The following EIF2S3 variants were observed in gnomAD, a reference collection of about 807,000 sequenced individuals.
EIF2S3 encodes the protein eukaryotic translation initiation factor 2 subunit 3.
In EIF2S3, 2 loss-of-function variants were observed where a neutral mutation model predicts 31.7. The observed-to-expected ratio is 0.06, with a 90% CI of 0.03 to 0.20. The LOEUF is 0.20. Among genes scored for constraint, EIF2S3 ranks in the 10% least tolerant of loss-of-function variants. The pLI, the probability that EIF2S3 is intolerant of heterozygous loss-of-function variation, is 1.00. For synonymous variants in EIF2S3, 120 were observed against 126.7 expected (o/e 0.95, Z 0.36); for missense variants, 96 against 359.3 (o/e 0.27, Z 5.92).
chrX:24,055,174 C>T lies in EIF2S3; in HGVS notation c.69+137C>T, dbSNP rs1274881007. On this transcript the variant is annotated intron_variant, in intron 1 of 11. Transcript: ENST00000253039. Reference sequence around the variant, plus strand: ...CAGGAGGGAGACCTGGAACTGGGCGCCCTAAGCCATGCTCGCGCCGCCTGT... The same window carrying T: ...CAGGAGGGAGACCTGGAACTGGGCGTCCTAAGCCATGCTCGCGCCGCCTGT... The T allele has an allele frequency of 8.4e-6, 6 of 710,093 alleles. No homozygotes were observed. In the African/African-American group the frequency reaches 8.6e-5, roughly 10 times the overall value. The allele number at this position is 710,093 out of a possible 1,213,427, so 58.5% of individuals were successfully genotyped here.
intron 2 of EIF2S3, among the ~76,000 whole-genome samples, chrX:24,056,007 A>G (rs999959094): frequency 8.9e-6 from 1 of 112,194 alleles, no homozygotes; most frequent in Non-Finnish European, 1.9e-5. Context: ...CAAGGGCAGA[A>G]TTTATGAAAG....
chrX:24,063,797 C>T (rs1303438334), intron 6 of EIF2S3, among the ~76,000 whole-genome samples: 1 of 111,362 alleles, frequency 9.0e-6, no homozygotes, highest in Non-Finnish European at 1.9e-5. Context: ...GTATATATGC[C>T]AGCAGTCTTT....
chrX:24,071,872 G>GT (rs369303521), intron 10 of EIF2S3, 145 bp downstream of exon 10: 34,228 of 468,270 alleles, frequency 0.073, 2 homozygotes, highest in East Asian at 0.091. Context: ...AAAATTGAGG[G>GT]TTTTTTTTTT....
chrX:24,067,892 T>C (rs1390427648), intron 8 of EIF2S3, 72 bp from the exon 9 acceptor site: 10 of 1,088,664 alleles, frequency 9.2e-6, no homozygotes, highest in Non-Finnish European at 1.2e-5. Context: ...CCAGTCCCTG[T>C]TGGAACTTTT....
chrX:24,072,482 C>T (rs1354868269), intron 10 of EIF2S3, among the ~76,000 whole-genome samples: 1 of 110,270 alleles, frequency 9.1e-6, no homozygotes, highest in East Asian at 2.9e-4. Flanking sequence ...GGAGTTTTGC[C>T]GCATTACCCA....
intron 5 of EIF2S3, among the ~76,000 whole-genome samples, chrX:24,061,868 A>T (rs1019982632): frequency 9.0e-6 from 1 of 111,370 alleles, no homozygotes; most frequent in African/African-American, 3.3e-5. Context: ...TATACCTCAT[A>T]CCTGAGCAAA....
chrX:24,069,394 AAGAAG>A (rs1930628596), intron 9 of EIF2S3, among the ~76,000 whole-genome samples: 1 of 106,629 alleles, frequency 9.4e-6, no homozygotes, highest in South Asian at 4.0e-4. Flanking sequence ...AAAAAAAAAC[AAGAAG>A]AAAAGAAAAG....
Position 24,057,461 on chromosome X carries a change from C to G in EIF2S3, c.174C>G (p.Val58=), listed in dbSNP as rs1451884371. Residue 58 remains valine, a synonymous_variant, in exon 3 of 12, where the codon GTC becomes GTG. Transcript: ENST00000253039. ...GHVAHGKSTV[V]KAISGVHTVR... ...TAGCTCATGGGAAATCCACAGTCGT[C>G]AAAGCTATTTCTGGAGTTCATACTG... 1 of 1,209,312 alleles carries G rather than the reference C, an allele frequency of 8.3e-7. No individual in the cohort carries two copies. The highest frequency in any genetic ancestry group is 1.1e-6 in the Non-Finnish European group (1 of 894,882).
chrX:24,073,018 G>T, intron 10 of EIF2S3, 73 bp from the exon 11 acceptor site: 3 of 1,066,381 alleles, frequency 2.8e-6, no homozygotes, highest in Admixed American at 5.8e-5. Flanking sequence ...ATAGTATTTG[G>T]TAAATTCTTA....
At chrX:24,056,896 A>G (rs1023314253) in intron 2 of EIF2S3, among the ~76,000 whole-genome samples, 7 of 112,136 alleles carry the variant, frequency 6.2e-5, no homozygotes, top group African/African-American at 2.3e-4. Flanking sequence ...TGTTAGTTAC[A>G]TGGAAGTTTC....
At chrX:24,057,148 A>G (rs1930416638) in intron 2 of EIF2S3, among the ~76,000 whole-genome samples, 1 of 112,191 alleles carries the variant, frequency 8.9e-6, no homozygotes, top group Non-Finnish European at 1.9e-5. Context: ...CTTTTGCCTC[A>G]GCCTCCCCAG....
intron 7 of EIF2S3, among the ~76,000 whole-genome samples, chrX:24,065,506 G>A (rs764437286): frequency 3.6e-5 from 4 of 110,720 alleles, no homozygotes; most frequent in African/African-American, 1.3e-4. Context: ...CCTGTAGTCC[G>A]AGCTACTCGG....
At chrX:24,069,894 T>C (rs1267863129) in intron 9 of EIF2S3, among the ~76,000 whole-genome samples, 2 of 109,030 alleles carry the variant, frequency 1.8e-5, no homozygotes, top group African/African-American at 3.3e-5. Flanking sequence ...TTTCGCCATG[T>C]TGGCCAGGCT....
intron 9 of EIF2S3, among the ~76,000 whole-genome samples, chrX:24,070,975 C>T (rs12392090): frequency 1.1e-3 from 127 of 111,469 alleles, no homozygotes; most frequent in African/African-American, 3.9e-3. Context: ...AGCCATCATT[C>T]CTAGAAAATC....
At chrX:24,062,277 A>C in intron 5 of EIF2S3, 139 bp from the exon 6 acceptor site, 1 of 599,026 alleles carries the variant, frequency 1.7e-6, no homozygotes, top group Non-Finnish European at 2.5e-6. Context: ...CCCCATGCCC[A>C]TGAAGCGTCA....
chrX:24,066,843 C>A (rs1185250769), intron 8 of EIF2S3, among the ~76,000 whole-genome samples: 4 of 112,181 alleles, frequency 3.6e-5, no homozygotes, highest in African/African-American at 1.3e-4. Context: ...ATCCATTCAT[C>A]TGTTCATGGG....
intron 11 of EIF2S3, 76 bp downstream of exon 11, chrX:24,073,339 TC>T: frequency 9.1e-7 from 1 of 1,096,043 alleles, no homozygotes; most frequent in Admixed American, 2.6e-5. Context: ...CACACAATCT[TC>T]CTTGAGGACA....
At chrX:24,056,716 G>C (rs1470525798) in intron 2 of EIF2S3, among the ~76,000 whole-genome samples, 1 of 111,134 alleles carries the variant, frequency 9.0e-6, no homozygotes, top group African/African-American at 3.3e-5. Flanking sequence ...AAAATTAGCT[G>C]TGCGTGGTGG....
At chrX:24,073,006 C>T in intron 10 of EIF2S3, 85 bp from the exon 11 acceptor site, 1 of 1,004,051 alleles carries the variant, frequency 1.0e-6, no homozygotes. Context: ...ACATATTTCC[C>T]AATAGTATTT....
Sources: allele counts gnomAD v4.1 joint callset (sites outside exome capture counted in the v4.1 genomes callset), GRCh38; gene constraint gnomAD v4.1.1; transcripts MANE v1.5; gene names NCBI Gene and HGNC (gene_info 2026-07-23, HGNC 2026-07-21).